The following CCDC192 variants were observed in gnomAD, a reference collection of about 807,000 sequenced individuals.
CCDC192 encodes coiled-coil domain containing 192.
chr5:127,824,007 A>G (rs995771448), intron 5 of CCDC192, among the ~76,000 whole-genome samples: 17 of 152,182 alleles, frequency 1.1e-4, no homozygotes, highest in Non-Finnish European at 2.9e-5. Context: ...CCTCCACCCA[A>G]TAGCAAGGTT....
intron 2 of CCDC192, among the ~76,000 whole-genome samples, chr5:127,709,181 G>T (rs1041909021): frequency 4.0e-5 from 5 of 124,798 alleles, no homozygotes; most frequent in South Asian, 7.2e-4. Context: ...GGGAGAGAGG[G>T]GGAGAGAGGT....
At chr5:127,915,378 A>C (rs1753490488) in intron 6 of CCDC192, among the ~76,000 whole-genome samples, 1 of 152,142 alleles carries the variant, frequency 6.6e-6, no homozygotes, top group Non-Finnish European at 1.5e-5. Flanking sequence ...ACAAAACTTC[A>C]TAAACTTTCT....
At chr5:127,869,284 A>G (rs1751748351) in intron 5 of CCDC192, among the ~76,000 whole-genome samples, 1 of 152,170 alleles carries the variant, frequency 6.6e-6, no homozygotes, top group African/African-American at 2.4e-5. Flanking sequence ...AGATTACACC[A>G]CTGCGTTCCA....
rs78392033 is a variant in CCDC192, at chr5:127,908,527, C to G, written c.536-32655C>G. On this transcript the variant is annotated intron_variant, in intron 6 of 6. Transcript: ENST00000514853. Reference sequence around the variant, plus strand: ...AGATTAGAAATAAAGTTTAACATCACTTCTTCCTGCTAAAATATAATCATG... The same window carrying G: ...AGATTAGAAATAAAGTTTAACATCAGTTCTTCCTGCTAAAATATAATCATG... 1.2e-4 allele frequency among the ~76,000 whole-genome samples: 19 copies of G among 152,316 alleles called. No homozygotes were observed. The East Asian group carries it at 3.7e-3, about 29-fold the overall frequency.
At chr5:127,786,184 C>T in intron 3 of CCDC192, 1 of 883,288 alleles carries the variant, frequency 1.1e-6, no homozygotes, top group Non-Finnish European at 1.9e-6. Flanking sequence ...CTCACATTTC[C>T]TTGCTAATTC....
chr5:127,872,594 C>T (rs1187494504), intron 5 of CCDC192, among the ~76,000 whole-genome samples: 1 of 152,182 alleles, frequency 6.6e-6, no homozygotes, highest in African/African-American at 2.4e-5. Flanking sequence ...CATCCAGTCC[C>T]TGCTTGATCT....
intron 3 of CCDC192, among the ~76,000 whole-genome samples, chr5:127,768,672 C>T (rs761588771): frequency 7.9e-5 from 12 of 152,074 alleles, no homozygotes; most frequent in African/African-American, 1.2e-4. Context: ...ATTTTATGTG[C>T]GTAAACCTAG....
At chr5:127,787,679 C>T (rs1361635612) in intron 3 of CCDC192, among the ~76,000 whole-genome samples, 3 of 152,042 alleles carry the variant, frequency 2.0e-5, no homozygotes, top group African/African-American at 4.8e-5. Context: ...GCTTCATGTG[C>T]ACTTGAAAAA....
intron 5 of CCDC192, among the ~76,000 whole-genome samples, chr5:127,867,365 A>G (rs1361583700): frequency 6.6e-6 from 1 of 152,204 alleles, no homozygotes; most frequent in Non-Finnish European, 1.5e-5. Context: ...TATTTTTGTA[A>G]TCATGTTAGA....
intron 6 of CCDC192, among the ~76,000 whole-genome samples, chr5:127,887,277 C>T (rs776349055): frequency 2.8e-4 from 38 of 135,054 alleles, no homozygotes; most frequent in Non-Finnish European, 3.9e-4. Context: ...TGCAGTGAGC[C>T]GAGATCGTGC....
chr5:127,936,239 A>G (rs977505765), intron 6 of CCDC192, among the ~76,000 whole-genome samples: 1 of 152,272 alleles, frequency 6.6e-6, no homozygotes, highest in African/African-American at 2.4e-5. Flanking sequence ...CTTCAACTAC[A>G]GTCACCTCTA....
chr5:127,758,826 G>A (rs2126883885), intron 3 of CCDC192, among the ~76,000 whole-genome samples: 1 of 152,254 alleles, frequency 6.6e-6, no homozygotes, highest in Admixed American at 6.5e-5. Flanking sequence ...GAATATAAGA[G>A]GACAAGGAAA....
chr5:127,890,791 C>G (rs1251381097), intron 6 of CCDC192, among the ~76,000 whole-genome samples: 1 of 152,130 alleles, frequency 6.6e-6, no homozygotes, highest in East Asian at 1.9e-4. Context: ...TTAAAACTTT[C>G]TTTCTTATAC....
At chr5:127,871,672 T>C (rs1751866958) in intron 5 of CCDC192, among the ~76,000 whole-genome samples, 1 of 152,168 alleles carries the variant, frequency 6.6e-6, no homozygotes, top group Admixed American at 6.5e-5. Context: ...TACCCAGAAA[T>C]TTTAAACAGT....
At chr5:127,765,253 A>AC (rs1321484068) in intron 3 of CCDC192, among the ~76,000 whole-genome samples, 3 of 152,230 alleles carry the variant, frequency 2.0e-5, no homozygotes, top group Non-Finnish European at 4.4e-5. Context: ...TACATGGCAG[A>AC]ATGTATGCAG....
Position 127,818,493 on chromosome 5 carries a change from A to C in CCDC192, c.411+20331A>C, listed in dbSNP as rs572325516. On this transcript the variant is annotated intron_variant, in intron 5 of 6. Transcript: ENST00000514853. ...TTTCCTCAAGTCATTCTAATGTGCAACCAAAGTTTGGAATTACTGCTATCA... is the reference window on the plus strand; with the variant it reads ...TTTCCTCAAGTCATTCTAATGTGCACCCAAAGTTTGGAATTACTGCTATCA... Among the ~76,000 whole-genome samples, 4 of 152,318 alleles carry C rather than the reference A, an allele frequency of 2.6e-5. No homozygotes were observed. The South Asian group carries it at 8.3e-4, about 32-fold the overall frequency.
At chr5:127,877,692 T>C (rs1251377787) in intron 6 of CCDC192, among the ~76,000 whole-genome samples, 1 of 152,180 alleles carries the variant, frequency 6.6e-6, no homozygotes, top group Non-Finnish European at 1.5e-5. Flanking sequence ...CCTTGGCCTC[T>C]GAATTCACTT....
chr5:127,923,377 C>CTTTTT (rs746234133), intron 6 of CCDC192, among the ~76,000 whole-genome samples: 57 of 142,396 alleles, frequency 4.0e-4, no homozygotes, highest in African/African-American at 1.3e-3. Flanking sequence ...TTTCATTAGT[C>CTTTTT]TTTTTTTTTT....
chr5:127,767,391 A>G (rs1200391118), intron 3 of CCDC192, among the ~76,000 whole-genome samples: 2 of 152,216 alleles, frequency 1.3e-5, no homozygotes, highest in Non-Finnish European at 2.9e-5. Context: ...TAACGTTGAA[A>G]TAAGATTTAT....
Sources: allele counts gnomAD v4.1 joint callset (sites outside exome capture counted in the v4.1 genomes callset), GRCh38; gene constraint gnomAD v4.1.1; transcripts MANE v1.5; gene names NCBI Gene and HGNC (gene_info 2026-07-23, HGNC 2026-07-21).